Variants in ABCB4 observed in about 807,000 individuals in gnomAD.
ABCB4 encodes ATP binding cassette subfamily B member 4.
In ABCB4, 76 loss-of-function variants were observed where a neutral mutation model predicts 145.7. The observed-to-expected ratio is 0.52, with a 90% CI of 0.43 to 0.63. ABCB4 has a LOEUF of 0.63. Among genes scored for constraint, ABCB4 ranks in the 30% least tolerant of loss-of-function variants. The pLI, the probability that ABCB4 is intolerant of heterozygous loss-of-function variation, is 0.00. For synonymous variants in ABCB4, 517 were observed against 566.8 expected (o/e 0.91, Z 1.25); for missense variants, 1,234 against 1,553.1 (o/e 0.79, Z 3.45).
At chr7:87,441,004 G>C (rs569516957) in intron 12 of ABCB4, among the ~76,000 whole-genome samples, 53 of 152,316 alleles carry the variant, frequency 3.5e-4, no homozygotes, top group Non-Finnish European at 6.6e-4. Context: ...CTCCCAAAGT[G>C]CTGGGATTAC....
the ABCB4 span, among the ~76,000 whole-genome samples, chr7:87,371,190 T>C: frequency 6.6e-6 from 1 of 152,208 alleles, no homozygotes; most frequent in Non-Finnish European, 1.5e-5. Context: ...TCCTATGTTC[T>C]AGAATTTTGT....
Position 87,406,275 on chromosome 7 carries a change from C to T in ABCB4, c.3486+13G>A. On this transcript the variant is annotated intron_variant, in intron 26 of 27. Transcript: ENST00000649586. ...AAGTAGTCTCTTCTGATTTCAGCTA[C>T]TCTTTAACTTACGTGGGGTAACGTC... The T allele has an allele frequency of 6.2e-7, 1 of 1,613,412 alleles. No homozygotes were observed. The highest frequency in any genetic ancestry group is 8.5e-7 in the Non-Finnish European group (1 of 1,179,380).
chr7:87,406,303 G>A lies in ABCB4; in HGVS notation c.3471C>T (p.Ile1157=), dbSNP rs752578370. ...TTTAACTTACGTGGGGTAACGTCTC[G>A]ATGAAAGGATGTATGTTGGCAGCTT... is the stretch of plus-strand genomic sequence containing the variant. ...AAKAANIHPF[I]ETLPHKYETR... is the part of the protein sequence containing the mutation. Residue 1157 remains isoleucine, a synonymous_variant, in exon 26 of 28, where the codon ATC becomes ATT. Transcript: ENST00000649586. 1.4e-5 allele frequency: 23 copies of A among 1,613,906 alleles called. No individual in the cohort carries two copies. Among genetic ancestry groups the A allele is most frequent in the East Asian group, 6.7e-5 (3 of 44,884 alleles).
intron 8 of ABCB4, 40 bp from the exon 9 acceptor site, chr7:87,447,245 T>C (rs1470142742): frequency 1.9e-6 from 3 of 1,587,268 alleles, no homozygotes; most frequent in Non-Finnish European, 2.6e-6. Context: ...TAATTAAGAA[T>C]AACAATCCAT....
intron 19 of ABCB4, among the ~76,000 whole-genome samples, chr7:87,419,194 T>A (rs1809217452): frequency 6.6e-6 from 1 of 152,200 alleles, no homozygotes; most frequent in Non-Finnish European, 1.5e-5. Context: ...TACCTTCACA[T>A]AAAATAATTT....
chr7:87,372,011 A>G, the ABCB4 span, among the ~76,000 whole-genome samples: 1 of 151,250 alleles, frequency 6.6e-6, no homozygotes, highest in Non-Finnish European at 1.5e-5. Flanking sequence ...AAAAAACAAA[A>G]AAAAAAAAAC....
chr7:87,400,241 G>A (rs1807722798), downstream of ABCB4, among the ~76,000 whole-genome samples: 1 of 152,196 alleles, frequency 6.6e-6, no homozygotes, highest in South Asian at 2.1e-4. Context: ...ATCTTGATAA[G>A]AGAAAGTCAC....
the ABCB4 span, among the ~76,000 whole-genome samples, chr7:87,395,109 G>A: frequency 6.6e-6 from 1 of 152,130 alleles, no homozygotes; most frequent in Non-Finnish European, 1.5e-5. Context: ...TAACTCACAC[G>A]ATCACAAGGT....
Position 87,402,200 on chromosome 7 carries a change from G to C in ABCB4, c.3736C>G (p.Gln1246Glu). The stretch of plus-strand genomic sequence containing the variant: ...CCATGCTCCTTGACTCTCCCATTCT[G>C]AAACACCACTATTAAGTCTGCATTC... Reference protein sequence around the residue: ...IQNADLIVVFQNGRVKEHGTH... With the variant: ...IQNADLIVVFENGRVKEHGTH... The change falls in exon 28 of 28, where the codon CAG (glutamine) becomes GAG (glutamate). Residue 1246 changes from glutamine to glutamate, a missense_variant. By Grantham distance (29) the Gln-to-Glu change is conservative. Coordinates refer to ENST00000649586, the MANE Select transcript of ABCB4 (RefSeq NM_000443.4). 6.2e-7 allele frequency: 1 copy of C among 1,614,078 alleles called. No individual in the cohort carries two copies. The highest frequency in any genetic ancestry group is 8.5e-7 in the Non-Finnish European group (1 of 1,180,008).
At chr7:87,413,961 C>T (rs1192229718) in intron 21 of ABCB4, among the ~76,000 whole-genome samples, 1 of 152,204 alleles carries the variant, frequency 6.6e-6, no homozygotes, top group East Asian at 1.9e-4. Flanking sequence ...CAGCTAAGGG[C>T]AAGAACTGTG....
chr7:87,383,789 G>A, the ABCB4 span, among the ~76,000 whole-genome samples: 4 of 152,124 alleles, frequency 2.6e-5, no homozygotes, highest in South Asian at 8.3e-4. Flanking sequence ...GAGCCACCAC[G>A]CCCGGCCCAC....
chr7:87,443,558 C>CA, intron 11 of ABCB4, 105 bp downstream of exon 11: 9 of 1,542,468 alleles, frequency 5.8e-6, no homozygotes, highest in Non-Finnish European at 8.0e-6. Flanking sequence ...ATATAACCCC[C>CA]AAAGGAAAAG....
At chr7:87,456,931 C>T (rs528667807) in intron 4 of ABCB4, among the ~76,000 whole-genome samples, 1 of 152,010 alleles carries the variant, frequency 6.6e-6, no homozygotes, top group Non-Finnish European at 1.5e-5. Flanking sequence ...AGAGCCTACT[C>T]CTGGTCTTGT....
the ABCB4 span, among the ~76,000 whole-genome samples, chr7:87,372,014 A>C: frequency 1.3e-5 from 2 of 151,386 alleles, no homozygotes; most frequent in South Asian, 2.1e-4. Flanking sequence ...AAACAAAAAA[A>C]AAAAAACAAA....
rs1808652315 is a variant in ABCB4 at position 87,411,927 on chromosome 7, C to T, written c.2890G>A (p.Val964Met). 1 of 1,613,742 alleles carries T rather than the reference C, an allele frequency of 6.2e-7. No individual in the cohort carries two copies. Among genetic ancestry groups the T allele is most frequent in the Non-Finnish European group, 8.5e-7 (1 of 1,179,728 alleles). ...TCTCTGAAGCGCATATGTCCATTCA[C>T]AATGAGATATGCACCAAATCGAAAA... ...GCFRFGAYLIVNGHMRFRDVI... is the reference protein window; with the variant it reads ...GCFRFGAYLIMNGHMRFRDVI... The change falls in exon 23 of 28, where the codon GTG becomes ATG. Residue 964 changes from valine (V) to methionine (M), a missense_variant. By Grantham distance (21) the Val-to-Met change is conservative (BLOSUM62 1). Transcript: ENST00000649586.
At chr7:87,455,722 G>A (rs1215713430) in intron 4 of ABCB4, among the ~76,000 whole-genome samples, 3 of 152,126 alleles carry the variant, frequency 2.0e-5, no homozygotes, top group Admixed American at 1.3e-4. Flanking sequence ...ACACATCAGG[G>A]TACATATTTC....
At chr7:87,430,687 G>A (rs766366153) in intron 15 of ABCB4, among the ~76,000 whole-genome samples, 1 of 152,068 alleles carries the variant, frequency 6.6e-6, no homozygotes, top group Non-Finnish European at 1.5e-5. Context: ...ACCATGCCCA[G>A]CTAATTTTTT....
chr7:87,370,015 T>C, the ABCB4 span, among the ~76,000 whole-genome samples: 3 of 152,038 alleles, frequency 2.0e-5, no homozygotes, highest in Admixed American at 6.6e-5. Flanking sequence ...TCATAGTCAA[T>C]GCTGTTTCAA....
At chr7:87,449,602 TAA>T (rs35707384) in intron 8 of ABCB4, among the ~76,000 whole-genome samples, 18 of 144,616 alleles carry the variant, frequency 1.2e-4, no homozygotes, top group African/African-American at 2.5e-4. Flanking sequence ...CTCAGCTTAT[TAA>T]AAAAAAAAAA....
Sources: allele counts gnomAD v4.1 joint callset (sites outside exome capture counted in the v4.1 genomes callset), GRCh38; gene constraint gnomAD v4.1.1; transcripts MANE v1.5; gene names NCBI Gene and HGNC (gene_info 2026-07-23, HGNC 2026-07-21).